SLC4A4: variants seen among roughly 807,000 people sequenced by gnomAD.
SLC4A4 encodes the protein electrogenic sodium bicarbonate cotransporter 1.
In SLC4A4, 27 loss-of-function variants were observed where a neutral mutation model predicts 111.5. The observed-to-expected ratio is 0.24, with a 90% CI of 0.18 to 0.33. The LOEUF (loss-of-function observed/expected upper bound fraction) is 0.33. Among genes scored for constraint, SLC4A4 ranks in the 10% least tolerant of loss-of-function variants. The probability of loss-of-function intolerance (pLI) is 1.00; values close to 1 mark genes in which losing one functional copy is unlikely to be tolerated. For synonymous variants in SLC4A4, 443 were observed against 463.4 expected (o/e 0.96, Z 0.57); for missense variants, 909 against 1,315.5 (o/e 0.69, Z 4.78).
At chr4:71,163,728 C>T (rs1744665929) in intron 2 of SLC4A4, among the ~76,000 whole-genome samples, 1 of 152,326 alleles carries the variant, frequency 6.6e-6, no homozygotes, top group Admixed American at 6.5e-5. Flanking sequence ...AATCTGGTCA[C>T]ATCCATTATT....
intron 3 of SLC4A4, among the ~76,000 whole-genome samples, chr4:71,329,521 G>C (rs1432314413): frequency 6.6e-6 from 1 of 151,986 alleles, no homozygotes. Context: ...TTTCATTGTA[G>C]AGATCTTTCA....
At chr4:71,536,471 T>TAC (rs1237250515) in intron 18 of SLC4A4, among the ~76,000 whole-genome samples, 2 of 84,660 alleles carry the variant, frequency 2.4e-5, no homozygotes, top group African/African-American at 4.1e-5. Context: ...TATACATATA[T>TAC]ATATATATAT....
intron 2 of SLC4A4, among the ~76,000 whole-genome samples, chr4:71,127,311 A>G (rs1372898307): frequency 2.0e-5 from 3 of 152,044 alleles, no homozygotes; most frequent in African/African-American, 4.8e-5. Context: ...ATGTGTCTCT[A>G]TCTTCAAAAA....
At chr4:71,314,263 T>G (rs1009168578) in intron 3 of SLC4A4, among the ~76,000 whole-genome samples, 2 of 152,072 alleles carry the variant, frequency 1.3e-5, no homozygotes, top group Admixed American at 1.3e-4. Flanking sequence ...CTAAAAAGTC[T>G]GGAAACAACA....
chr4:71,084,196 T>A (rs967766176), intron 1 of SLC4A4, among the ~76,000 whole-genome samples: 4 of 152,072 alleles, frequency 2.6e-5, no homozygotes, highest in African/African-American at 9.7e-5. Context: ...GTTCAATATC[T>A]TAACATCTTC....
chr4:71,263,732 A>G (rs1722036357), intron 3 of SLC4A4, among the ~76,000 whole-genome samples: 1 of 152,248 alleles, frequency 6.6e-6, no homozygotes, highest in South Asian at 2.1e-4. Context: ...ATTTGCAATA[A>G]CTAATTTGTA....
chr4:71,405,808 C>G (rs758919515), intron 7 of SLC4A4, among the ~76,000 whole-genome samples: 3 of 152,136 alleles, frequency 2.0e-5, no homozygotes, highest in Non-Finnish European at 4.4e-5. Flanking sequence ...GCATTTGCCT[C>G]CCAGCTCACT....
intron 16 of SLC4A4, among the ~76,000 whole-genome samples, chr4:71,523,857 A>G (rs1330889291): frequency 6.6e-6 from 1 of 152,168 alleles, no homozygotes; most frequent in Admixed American, 6.6e-5. Context: ...TAACTCTATT[A>G]GAGGTTCAAG....
Position 71,472,919 on chromosome 4 carries a change from A to G in SLC4A4, c.1852A>G (p.Lys618Glu). 1 of 1,612,932 alleles carries G rather than the reference A, an allele frequency of 6.2e-7. No homozygotes were observed. The highest frequency in any genetic ancestry group is 1.7e-4 in the Middle Eastern group (1 of 6,054). The change falls in exon 14 of 26, where the codon AAA (lysine) becomes GAA (glutamate). Residue 618 changes from lysine (K) to glutamate (E), a missense_variant. Coordinates refer to ENST00000264485, the MANE Select transcript of SLC4A4 (RefSeq NM_001098484.3). ...ADYYPINSNF[K>E]VGYNTLFSCT... ...TTACTACCCCATCAACTCCAACTTC[A>G]AAGTGGGCTACAACACTCTCTTTTC...
At chr4:71,438,408 CCTAA>C (rs1420315196) in intron 7 of SLC4A4, among the ~76,000 whole-genome samples, 1 of 152,160 alleles carries the variant, frequency 6.6e-6, no homozygotes, top group Non-Finnish European at 1.5e-5. Flanking sequence ...TAAGACTTGT[CCTAA>C]CTACTTTACA....
intron 2 of SLC4A4, among the ~76,000 whole-genome samples, chr4:71,155,968 A>T (rs1744450827): frequency 6.6e-6 from 1 of 152,194 alleles, no homozygotes; most frequent in South Asian, 2.1e-4. Flanking sequence ...ATGATTCTTT[A>T]TACAGCAGAC....
intron 6 of SLC4A4, among the ~76,000 whole-genome samples, chr4:71,368,267 T>G (rs1159265673): frequency 6.6e-6 from 1 of 152,230 alleles, no homozygotes; most frequent in Non-Finnish European, 1.5e-5. Flanking sequence ...ATACTGTATA[T>G]GTAGCCTGCA....
intron 3 of SLC4A4, among the ~76,000 whole-genome samples, chr4:71,316,532 C>T (rs1726697621): frequency 1.3e-5 from 2 of 151,974 alleles, no homozygotes; most frequent in South Asian, 4.2e-4. Context: ...TTGAAAATTA[C>T]TTATTTATTT....
At chr4:71,390,363 G>A (rs564207880) in intron 6 of SLC4A4, among the ~76,000 whole-genome samples, 1 of 152,276 alleles carries the variant, frequency 6.6e-6, no homozygotes, top group South Asian at 2.1e-4. Context: ...TGGAGAATAG[G>A]CTGTATGTAT....
At chr4:71,127,460 C>A (rs1459999931) in intron 2 of SLC4A4, among the ~76,000 whole-genome samples, 1 of 152,156 alleles carries the variant, frequency 6.6e-6, no homozygotes, top group African/African-American at 2.4e-5. Context: ...ACCCATATAT[C>A]TTTTGGTACC....
intron 3 of SLC4A4, among the ~76,000 whole-genome samples, chr4:71,325,177 A>C (rs1018430507): frequency 1.3e-5 from 2 of 151,912 alleles, no homozygotes; most frequent in African/African-American, 4.8e-5. Context: ...GTTGGGGTAA[A>C]GGTATGTTAA....
chr4:71,376,444 C>T (rs1244422002), intron 6 of SLC4A4, among the ~76,000 whole-genome samples: 6 of 151,052 alleles, frequency 4.0e-5, no homozygotes, highest in African/African-American at 2.4e-5. Context: ...ACCTCGTGAT[C>T]CACCCGCCTC....
chr4:71,541,419 T>C (rs1449628700), intron 18 of SLC4A4, among the ~76,000 whole-genome samples: 2 of 151,996 alleles, frequency 1.3e-5, no homozygotes, highest in East Asian at 1.9e-4. Context: ...AAGGAGAGAA[T>C]GGCTTTAAGC....
chr4:71,309,677 G>A (rs1246217752), intron 3 of SLC4A4, among the ~76,000 whole-genome samples: 2 of 152,080 alleles, frequency 1.3e-5, no homozygotes, highest in African/African-American at 4.8e-5. Context: ...CCATCCAAAT[G>A]TCATCAGTCT....
Sources: allele counts gnomAD v4.1 joint callset (sites outside exome capture counted in the v4.1 genomes callset), GRCh38; gene constraint gnomAD v4.1.1; transcripts MANE v1.5; gene names NCBI Gene and HGNC (gene_info 2026-07-23, HGNC 2026-07-21).